The following ACSS3 variants were observed in gnomAD, a reference collection of about 807,000 sequenced individuals.
The protein encoded by ACSS3 is acyl-CoA synthetase short chain family member 3.
ACSS3 carries 64 observed loss-of-function variants against 84.2 expected under a neutral mutation model. That is an observed-to-expected ratio of 0.76 (90% CI 0.62 to 0.94). The LOEUF is 0.94. Among genes scored for constraint, ACSS3 ranks in the 40% least tolerant of loss-of-function variants. The probability of loss-of-function intolerance (pLI) is 0.00; values close to 1 mark genes in which losing one functional copy is unlikely to be tolerated. For missense variants in ACSS3, 815 were observed against 867.6 expected, an observed-to-expected ratio of 0.94 and a Z score of 0.76; for synonymous variants, 317 against 310.1, an observed-to-expected ratio of 1.02 and a Z score of -0.23.
chr12:81,188,641 C>A (rs987340352), intron 8 of ACSS3, among the ~76,000 whole-genome samples: 14 of 152,002 alleles, frequency 9.2e-5, no homozygotes, highest in African/African-American at 3.1e-4. Flanking sequence ...TGATACCTGG[C>A]TTCTTTCATT....
chr12:81,122,693 C>A (rs1884734355), intron 2 of ACSS3, among the ~76,000 whole-genome samples: 1 of 152,070 alleles, frequency 6.6e-6, no homozygotes, highest in Middle Eastern at 3.2e-3. Flanking sequence ...TGTACATTAG[C>A]CACAGAATTA....
intron 13 of ACSS3, among the ~76,000 whole-genome samples, chr12:81,252,561 GA>G (rs929638467): frequency 3.3e-5 from 5 of 151,594 alleles, no homozygotes; most frequent in African/African-American, 7.3e-5. Context: ...TAATCTTTCA[GA>G]AAAAAAATTT....
Position 81,122,408 on chromosome 12 carries a change from G to C in ACSS3, c.457-12408G>C, listed in dbSNP as rs1884703790. ...TTCATTAACAGTAGAAATTAATGTT[G>C]TTTAAAAAATATTATTCGCTAGCCC... is the stretch of plus-strand genomic sequence containing the variant. On this transcript the variant is annotated intron_variant, in intron 2 of 15. Coordinates refer to ENST00000548058, the MANE Select transcript of ACSS3 (RefSeq NM_024560.4). Among the ~76,000 whole-genome samples the C allele has an allele frequency of 2.6e-5, 4 of 151,986 alleles. No homozygotes were observed. In the South Asian group the frequency reaches 8.3e-4, roughly 31 times the overall value.
chr12:81,158,509 C>G (rs918076082), intron 7 of ACSS3: 4 of 154,016 alleles, frequency 2.6e-5, no homozygotes, highest in Non-Finnish European at 5.9e-5. Context: ...CCCCAGTCAT[C>G]TCTACTTGCC....
chr12:81,183,751 C>G (rs1227624339), intron 8 of ACSS3, among the ~76,000 whole-genome samples: 1 of 152,024 alleles, frequency 6.6e-6, no homozygotes, highest in East Asian at 1.9e-4. Flanking sequence ...AACTCAACCA[C>G]TGTAAATATT....
rs1348044640 is a variant in ACSS3 at position 81,233,425 on chromosome 12, T to C, written c.1673T>C (p.Val558Ala). The change falls in exon 13 of 16, where the codon GTA (valine) becomes GCA (alanine). Residue 558 changes from valine to alanine, a missense_variant. Physicochemically the swap from Val to Ala is moderately conservative, Grantham distance 64. Coordinates refer to ENST00000548058, the MANE Select transcript of ACSS3 (RefSeq NM_024560.4). The part of the protein sequence containing the change: ...YLYVMSRVDD[V>A]INVAGHRISA... ...TATGTTATGTCTCGAGTGGATGATG[T>C]AATAAATGTTGCAGGTCACAGAATT... The C allele has an allele frequency of 1.9e-6, 3 of 1,611,196 alleles. No homozygotes were observed. Among genetic ancestry groups the C allele is most frequent in the Non-Finnish European group, 2.5e-6 (3 of 1,178,006 alleles).
intron 1 of ACSS3, among the ~76,000 whole-genome samples, chr12:81,091,534 T>G (rs1336417710): frequency 6.6e-6 from 1 of 152,040 alleles, no homozygotes; most frequent in East Asian, 1.9e-4. Context: ...TCAAGAGCAG[T>G]CTGAAAATGT....
At chr12:81,136,379 T>A (rs1015017856) in intron 3 of ACSS3, among the ~76,000 whole-genome samples, 1 of 152,150 alleles carries the variant, frequency 6.6e-6, no homozygotes. Context: ...TTAGACAACA[T>A]GTACATGATA....
At chr12:81,182,566 A>G (rs539043145) in intron 8 of ACSS3, among the ~76,000 whole-genome samples, 14 of 152,304 alleles carry the variant, frequency 9.2e-5, no homozygotes, top group South Asian at 8.3e-4. Flanking sequence ...GAAGCACACA[A>G]TGTAAAAAGA....
chr12:81,172,710 A>G (rs1256691962), intron 7 of ACSS3, among the ~76,000 whole-genome samples: 7 of 152,172 alleles, frequency 4.6e-5, no homozygotes, highest in Non-Finnish European at 1.0e-4. Flanking sequence ...ATAGGACTGT[A>G]TTTTCAATAT....
At chr12:81,149,714 C>T (rs1288047707) in intron 5 of ACSS3, among the ~76,000 whole-genome samples, 2 of 152,110 alleles carry the variant, frequency 1.3e-5, no homozygotes, top group African/African-American at 4.8e-5. Flanking sequence ...GCTCTTCTCA[C>T]TCCTTCAGCT....
At chr12:81,181,795 A>C (rs1223644410) in intron 8 of ACSS3, among the ~76,000 whole-genome samples, 3 of 150,666 alleles carry the variant, frequency 2.0e-5, no homozygotes, top group Non-Finnish European at 4.4e-5. Flanking sequence ...ATAGTAGACT[A>C]GATAAAGCCA....
intron 4 of ACSS3, among the ~76,000 whole-genome samples, chr12:81,140,165 A>G (rs1213929832): frequency 1.3e-5 from 2 of 152,184 alleles, no homozygotes; most frequent in African/African-American, 4.8e-5. Flanking sequence ...AATTTTGAAG[A>G]GTATTTAGGC....
intron 11 of ACSS3, among the ~76,000 whole-genome samples, chr12:81,225,310 A>AC (rs1246872555): frequency 4.6e-5 from 7 of 151,880 alleles, no homozygotes; most frequent in African/African-American, 1.7e-4. Context: ...TATCCAAATT[A>AC]CCACATCTGA....
chr12:81,158,879 G>A (rs770887765), intron 7 of ACSS3, among the ~76,000 whole-genome samples: 1 of 152,096 alleles, frequency 6.6e-6, no homozygotes, highest in Non-Finnish European at 1.5e-5. Flanking sequence ...AGGCTCCTTT[G>A]ATGTGTTCGT....
At chr12:81,101,787 T>C (rs527325040) in intron 1 of ACSS3, among the ~76,000 whole-genome samples, 1 of 152,144 alleles carries the variant, frequency 6.6e-6, no homozygotes, top group African/African-American at 2.4e-5. Context: ...GCAAATGACA[T>C]CTTATAATTT....
intron 13 of ACSS3, among the ~76,000 whole-genome samples, chr12:81,236,414 G>C (rs982950339): frequency 6.6e-6 from 1 of 151,094 alleles, no homozygotes; most frequent in East Asian, 1.9e-4. Flanking sequence ...GAAATCTACT[G>C]TTTGTAGTAA....
intron 8 of ACSS3, among the ~76,000 whole-genome samples, chr12:81,181,232 AC>A (rs2030896869): frequency 6.7e-6 from 1 of 149,242 alleles, no homozygotes; most frequent in Non-Finnish European, 1.5e-5. Flanking sequence ...TATCACTGCC[AC>A]AAAATCATGC....
rs1325914056 is a variant in ACSS3 at position 81,134,829 on chromosome 12, C to G, written c.470C>G (p.Ala157Gly). 21 of 1,557,878 alleles carry G rather than the reference C, an allele frequency of 1.3e-5. No individual in the cohort carries two copies. The highest frequency in any genetic ancestry group is 1.7e-5 in the Non-Finnish European group (20 of 1,146,378). ...KEVLEQVSKLAGVLVKHGIKK... is the reference protein window; with the variant it reads ...KEVLEQVSKLGGVLVKHGIKK... ...GTCTTGGCATAGGTCTCCAAGCTGG[C>G]TGGTGTCTTGGTCAAGCATGGCATC... The change falls in exon 3 of 16, where the codon GCT (alanine) becomes GGT (glycine). Residue 157 changes from alanine to glycine, a missense_variant. By Grantham distance (60) the Ala-to-Gly change is moderately conservative. Transcript: ENST00000548058.
Sources: gnomAD v4.1 joint callset for allele counts (sites outside exome capture counted in the v4.1 genomes callset) on GRCh38, gnomAD v4.1.1 for gene constraint, MANE v1.5 for transcripts, NCBI Gene and HGNC (gene_info 2026-07-23, HGNC 2026-07-21) for gene names.